The following RXFP1 variants were observed in gnomAD, a reference collection of about 807,000 sequenced individuals.
RXFP1 encodes relaxin receptor 1.
A neutral mutation model predicts 89.8 loss-of-function variants in RXFP1; 73 were observed. That is an observed-to-expected ratio of 0.81 (90% CI 0.67 to 0.99). The LOEUF is 0.99. Ranked by LOEUF, RXFP1 falls within the 50% of genes least tolerant of loss-of-function variation. The pLI is 0.00. For missense variants in RXFP1, 793 were observed against 895.5 expected (o/e 0.89, Z 1.46); for synonymous variants, 277 against 305.5 (o/e 0.91, Z 0.97).
chr4:158,553,167 C>A (rs115354001), intron 1 of RXFP1, among the ~76,000 whole-genome samples: 1 of 151,960 alleles, frequency 6.6e-6, no homozygotes. Context: ...CCAGCCTGGA[C>A]AATAGAGCAA....
chr4:158,635,407 T>G (rs2150218878), intron 12 of RXFP1, among the ~76,000 whole-genome samples: 1 of 152,340 alleles, frequency 6.6e-6, no homozygotes, highest in East Asian at 1.9e-4. Flanking sequence ...TTCAAATGGA[T>G]TTCTTTTTAG....
At chr4:158,638,833 G>T (rs1280288001) in intron 13 of RXFP1, among the ~76,000 whole-genome samples, 1 of 143,800 alleles carries the variant, frequency 7.0e-6, no homozygotes. Context: ...AAAAAGGTAA[G>T]CTTCAGTTCA....
At chr4:158,543,597 C>G (rs894063500) in intron 1 of RXFP1, 5 of 208,678 alleles carry the variant, frequency 2.4e-5, no homozygotes, top group Non-Finnish European at 4.2e-5. Flanking sequence ...AATAGAGAAT[C>G]GGTAGCAACC....
chr4:158,646,121 A>C (rs1771492856), intron 15 of RXFP1, among the ~76,000 whole-genome samples: 1 of 152,196 alleles, frequency 6.6e-6, no homozygotes, highest in Non-Finnish European at 1.5e-5. Context: ...GAAATATGCC[A>C]AGTAGTGTAA....
In RXFP1 at chr4:158,546,668, T is replaced by C. The variant is rs1157988845; in HGVS notation, c.49+24643T>C. On this transcript the variant is annotated intron_variant, in intron 1 of 17. Coordinates refer to ENST00000307765, the MANE Select transcript of RXFP1 (RefSeq NM_021634.4). ...GAGAGTTTTTAGCATGAAGGGTTGT[T>C]GAATTTTGTCAAAGGCCTTTTCTGC... 2.0e-5 allele frequency among the ~76,000 whole-genome samples: 3 copies of C among 152,234 alleles called. No homozygotes were observed. In the East Asian group the frequency reaches 5.8e-4, roughly 29 times the overall value.
At position 158,521,895 on chromosome 4, in the gene RXFP1, A is replaced by C; in HGVS notation, c.-82A>C. ...AAGATTGCAGACAGAAATAGCACAC[A>C]ACCACTGTGAGCTGTATGCGATTCA... On this transcript the variant is annotated 5_prime_UTR_variant, in exon 1 of 18. Transcript: ENST00000307765. 1 of 839,746 alleles carries C rather than the reference A, an allele frequency of 1.2e-6. No homozygotes were observed. The allele number at this position is 839,746 out of a possible 1,614,324, so 52.0% of individuals were successfully genotyped here.
intron 6 of RXFP1, among the ~76,000 whole-genome samples, 177 bp from the exon 7 acceptor site, chr4:158,611,953 T>G (rs746516558): frequency 3.3e-5 from 5 of 152,154 alleles, no homozygotes; most frequent in Non-Finnish European, 5.9e-5. Context: ...TATGGGGAAA[T>G]TTAAAACTAG....
intron 2 of RXFP1, among the ~76,000 whole-genome samples, chr4:158,591,154 T>A (rs867046812): frequency 6.6e-6 from 1 of 152,134 alleles, no homozygotes; most frequent in South Asian, 2.1e-4. Flanking sequence ...GGAAAACATA[T>A]ATTTAAGTTA....
intron 3 of RXFP1, among the ~76,000 whole-genome samples, chr4:158,596,763 G>A (rs922889867): frequency 2.0e-5 from 3 of 152,116 alleles, no homozygotes; most frequent in East Asian, 3.9e-4. Flanking sequence ...GACTTCATCC[G>A]AAGCCTAGTT....
At chr4:158,588,225 C>A (rs765849203) in intron 2 of RXFP1, among the ~76,000 whole-genome samples, 7 of 152,068 alleles carry the variant, frequency 4.6e-5, no homozygotes, top group Non-Finnish European at 7.4e-5. Context: ...AAATGCACTG[C>A]TTTTTCACCC....
intron 1 of RXFP1, among the ~76,000 whole-genome samples, chr4:158,547,497 G>A (rs1748789109): frequency 6.6e-6 from 1 of 151,960 alleles, no homozygotes; most frequent in African/African-American, 2.4e-5. Flanking sequence ...GCTAGCTTTT[G>A]AATGTGTTTT....
rs70962615 is a variant in RXFP1, at chr4:158,561,626, CTT to C, written c.50-11054_50-11053del. On this transcript the variant is annotated intron_variant, in intron 1 of 17. Coordinates refer to ENST00000307765, the MANE Select transcript of RXFP1 (RefSeq NM_021634.4). ...ACAATCTGTATTTTTTTCTTTTTTT[CTT>C]TTTTTTTTTTTTTTTTTGAGACAGA... 4.4e-3 allele frequency among the ~76,000 whole-genome samples: 494 copies of C among 112,554 alleles called. 1 individual carries two copies. Among genetic ancestry groups the C allele is most frequent in the East Asian group, 0.04 (174 of 4,326 alleles). 73.8% of individuals were successfully genotyped at this position (112,554 alleles called of 152,430 possible).
chr4:158,621,307 T>C (rs1262329866), intron 9 of RXFP1, among the ~76,000 whole-genome samples: 1 of 152,050 alleles, frequency 6.6e-6, no homozygotes, highest in East Asian at 1.9e-4. Context: ...GGGAGACTTG[T>C]CTCTGGAAAA....
chr4:158,635,952 CA>C (rs1197955249), intron 12 of RXFP1, among the ~76,000 whole-genome samples: 3 of 152,040 alleles, frequency 2.0e-5, no homozygotes, highest in Non-Finnish European at 4.4e-5. Flanking sequence ...CTCGGCCTCC[CA>C]AAATGCTGCG....
At chr4:158,620,768 G>C (rs2150160193) in intron 9 of RXFP1, among the ~76,000 whole-genome samples, 1 of 152,206 alleles carries the variant, frequency 6.6e-6, no homozygotes, top group East Asian at 1.9e-4. Flanking sequence ...AATACATAAA[G>C]TGAAAACAAT....
chr4:158,613,885 C>A (rs1191176463), intron 8 of RXFP1, among the ~76,000 whole-genome samples: 10 of 152,190 alleles, frequency 6.6e-5, no homozygotes, highest in Non-Finnish European at 4.4e-5. Flanking sequence ...AGTAGCCTTA[C>A]AAAATGTACA....
At chr4:158,617,483 A>G (rs2150150056) in intron 9 of RXFP1, among the ~76,000 whole-genome samples, 1 of 151,576 alleles carries the variant, frequency 6.6e-6, no homozygotes, top group East Asian at 1.9e-4. Context: ...AAGGAATGTC[A>G]CCACATCTAT....
intron 1 of RXFP1, among the ~76,000 whole-genome samples, chr4:158,548,751 T>G (rs917815647): frequency 4.6e-5 from 7 of 152,244 alleles, no homozygotes; most frequent in Non-Finnish European, 8.8e-5. Context: ...TTGAAAATTC[T>G]TTTCTCTAAG....
At chr4:158,566,494 G>A (rs1016012197) in intron 1 of RXFP1, among the ~76,000 whole-genome samples, 7 of 152,052 alleles carry the variant, frequency 4.6e-5, no homozygotes, top group Non-Finnish European at 8.8e-5. Flanking sequence ...CTCCCGAGTA[G>A]CTGGGATTAC....
Sources: gnomAD v4.1 joint callset for allele counts (sites outside exome capture counted in the v4.1 genomes callset) on GRCh38, gnomAD v4.1.1 for gene constraint, MANE v1.5 for transcripts, NCBI Gene and HGNC (gene_info 2026-07-23, HGNC 2026-07-21) for gene names.